The following LSAMP variants were observed in gnomAD, a reference collection of about 807,000 sequenced individuals.
The protein encoded by LSAMP is limbic system-associated membrane protein.
In LSAMP, 7 loss-of-function variants were observed where a neutral mutation model predicts 38.6. The ratio of observed to expected loss-of-function variants is 0.18; its 90% CI spans 0.10 to 0.34. The LOEUF (loss-of-function observed/expected upper bound fraction) is 0.34. Ranked by LOEUF, LSAMP falls within the 10% of genes least tolerant of loss-of-function variation. The pLI, the probability that LSAMP is intolerant of heterozygous loss-of-function variation, is 1.00. For missense variants in LSAMP, 313 were observed against 420.0 expected, an observed-to-expected ratio of 0.75 and a Z score of 2.23; for synonymous variants, 154 against 166.8, an observed-to-expected ratio of 0.92 and a Z score of 0.59.
intron 1 of LSAMP, among the ~76,000 whole-genome samples, chr3:116,189,524 C>T (rs888812656): frequency 1.3e-5 from 2 of 152,146 alleles, no homozygotes; most frequent in African/African-American, 4.8e-5. Flanking sequence ...GCAAAACCAC[C>T]TCAGTTCTAG....
rs900191805 is a variant in LSAMP at position 116,437,763 on chromosome 3, A to G, written c.155+7114T>C. Among the ~76,000 whole-genome samples, 8 of 152,338 alleles carry G rather than the reference A, an allele frequency of 5.3e-5. No individual in the cohort carries two copies. The South Asian group carries it at 1.7e-3, about 32-fold the overall frequency. On this transcript the variant is annotated intron_variant, in intron 1 of 6. Transcript: ENST00000490035. ...TGTATAATAAAAATGGCATTTCATC[A>G]GATAAAATGAAAACCAAAAAGGTAA...
rs534658244 is a variant in LSAMP at position 115,929,019 on chromosome 3, G to A, written c.515-76402C>T. Among the ~76,000 whole-genome samples, 62 of 136,070 alleles carry A rather than the reference G, an allele frequency of 4.6e-4. 1 individual carries two copies. Among genetic ancestry groups the A allele is most frequent in the African/African-American group, 1.6e-3 (56 of 35,020 alleles). The allele number at this position is 136,070 out of a possible 152,430, so 89.3% of individuals were successfully genotyped here. ...TGTTTTATGGGGCTAGTTAGGTAGC[G>A]CTTAGCTGTAATAATATTCTATGTG... On this transcript the variant is annotated intron_variant, in intron 3 of 6. Coordinates refer to ENST00000490035, the MANE Select transcript of LSAMP (RefSeq NM_002338.5).
intron 3 of LSAMP, among the ~76,000 whole-genome samples, chr3:115,917,606 C>T (rs1011033058): frequency 1.3e-5 from 2 of 151,910 alleles, no homozygotes; most frequent in African/African-American, 4.8e-5. Context: ...CCATCCCTTC[C>T]CATTTTGCAT....
intron 1 of LSAMP, among the ~76,000 whole-genome samples, chr3:116,256,793 G>A (rs2046756881): frequency 1.6e-5 from 1 of 63,274 alleles, no homozygotes; most frequent in East Asian, 5.0e-4. Context: ...TCCACTCCAA[G>A]TGAGGAGGAG....
At chr3:116,062,573 G>A (rs181664043) in intron 2 of LSAMP, among the ~76,000 whole-genome samples, 1 of 151,634 alleles carries the variant, frequency 6.6e-6, no homozygotes, top group Non-Finnish European at 1.5e-5. Flanking sequence ...AGTGCAGGAG[G>A]GTCTCTCTCT....
intron 1 of LSAMP, among the ~76,000 whole-genome samples, chr3:116,159,545 C>T (rs150986067): frequency 3.2e-4 from 49 of 152,058 alleles, no homozygotes; most frequent in African/African-American, 9.2e-4. Flanking sequence ...ATAAAAACCA[C>T]GAGATAATAT....
intron 1 of LSAMP, among the ~76,000 whole-genome samples, chr3:116,194,142 G>C (rs1710820309): frequency 6.6e-6 from 1 of 152,116 alleles, no homozygotes; most frequent in Non-Finnish European, 1.5e-5. Context: ...GAGAGGTAAG[G>C]GGTGATGGCC....
At chr3:116,066,859 C>G (rs1056686268) in intron 2 of LSAMP, among the ~76,000 whole-genome samples, 5 of 152,160 alleles carry the variant, frequency 3.3e-5, no homozygotes, top group Non-Finnish European at 7.4e-5. Context: ...CTCCTATTTC[C>G]TTTAAGCTAC....
intron 6 of LSAMP, among the ~76,000 whole-genome samples, chr3:115,832,151 T>TTCA (rs1420306254): frequency 6.6e-6 from 1 of 152,142 alleles, no homozygotes; most frequent in African/African-American, 2.4e-5. Context: ...GGGAAGATCC[T>TTCA]CCAATGAGAG....
chr3:115,927,529 C>T (rs1937517295), intron 3 of LSAMP, among the ~76,000 whole-genome samples: 1 of 152,168 alleles, frequency 6.6e-6, no homozygotes, highest in Non-Finnish European at 1.5e-5. Context: ...GACAACCCCA[C>T]CCCACATAAC....
intron 3 of LSAMP, among the ~76,000 whole-genome samples, chr3:115,928,190 A>G (rs570202382): frequency 9.6e-4 from 147 of 152,344 alleles, no homozygotes; most frequent in African/African-American, 3.4e-3. Flanking sequence ...TTCAAATGAA[A>G]AAACCTGGGA....
intron 3 of LSAMP, among the ~76,000 whole-genome samples, chr3:115,921,188 A>G (rs1230244775): frequency 6.6e-6 from 1 of 152,094 alleles, no homozygotes; most frequent in Non-Finnish European, 1.5e-5. Context: ...AATTTAATTA[A>G]TTAACTTTCA....
At chr3:116,181,574 T>C (rs1159700956) in intron 1 of LSAMP, among the ~76,000 whole-genome samples, 1 of 152,072 alleles carries the variant, frequency 6.6e-6, no homozygotes, top group East Asian at 1.9e-4. Flanking sequence ...CTTGCAAGTG[T>C]TGCATAATGA....
At chr3:115,867,792 A>G (rs935622704) in intron 3 of LSAMP, among the ~76,000 whole-genome samples, 1 of 152,140 alleles carries the variant, frequency 6.6e-6, no homozygotes, top group Non-Finnish European at 1.5e-5. Flanking sequence ...TCTAAAGTCT[A>G]TTTGCTAAGA....
chr3:116,398,356 A>C (rs1279954389), intron 1 of LSAMP, among the ~76,000 whole-genome samples: 2 of 152,206 alleles, frequency 1.3e-5, no homozygotes, highest in African/African-American at 2.4e-5. Flanking sequence ...TAAGATGATC[A>C]TGTGTAATCA....
chr3:115,823,437 C>T (rs902709994), intron 6 of LSAMP, among the ~76,000 whole-genome samples: 5 of 152,222 alleles, frequency 3.3e-5, no homozygotes, highest in Non-Finnish European at 7.3e-5. Flanking sequence ...CTTGAACATT[C>T]TGTAGTACAC....
chr3:116,112,388 G>C (rs999459704), intron 1 of LSAMP, among the ~76,000 whole-genome samples: 7 of 152,218 alleles, frequency 4.6e-5, no homozygotes, highest in African/African-American at 1.7e-4. Context: ...TAGCCAGCTA[G>C]TACATCCTTT....
chr3:116,377,267 C>T (rs1027711510), intron 1 of LSAMP, among the ~76,000 whole-genome samples: 1 of 151,916 alleles, frequency 6.6e-6, no homozygotes, highest in Admixed American at 6.6e-5. Context: ...GTATGTTGTT[C>T]CCCTCCCTGT....
chr3:116,142,551 CCATT>C (rs749150460), intron 1 of LSAMP, among the ~76,000 whole-genome samples: 5 of 151,908 alleles, frequency 3.3e-5, no homozygotes, highest in Non-Finnish European at 7.4e-5. Context: ...TAATGACAGA[CCATT>C]CATTTATAAT....
Sources: gnomAD v4.1 joint callset for allele counts (sites outside exome capture counted in the v4.1 genomes callset) on GRCh38, gnomAD v4.1.1 for gene constraint, MANE v1.5 for transcripts, NCBI Gene and HGNC (gene_info 2026-07-23, HGNC 2026-07-21) for gene names.